The following RNF217 variants were observed in gnomAD, a reference collection of about 807,000 sequenced individuals.
RNF217 encodes E3 ubiquitin-protein ligase RNF217.
Under a neutral mutation model 57.8 loss-of-function variants are expected in RNF217, and 31 were observed. That is an observed-to-expected ratio of 0.54 (90% CI 0.40 to 0.72). The LOEUF is 0.72. Among genes scored for constraint, RNF217 ranks in the 30% least tolerant of loss-of-function variants. RNF217 has a pLI of 0.00. For missense variants in RNF217, 696 were observed against 708.3 expected (o/e 0.98, Z 0.20); for synonymous variants, 313 against 294.0 (o/e 1.06, Z -0.66).
intron 1 of RNF217, among the ~76,000 whole-genome samples, chr6:124,993,020 C>G (rs1278549089): frequency 1.3e-5 from 2 of 152,092 alleles, no homozygotes; most frequent in African/African-American, 4.8e-5. Flanking sequence ...TGTCAGTGCT[C>G]TTGCCTATAG....
intron 3 of RNF217, among the ~76,000 whole-genome samples, chr6:125,069,529 C>T (rs1461738599): frequency 6.6e-6 from 1 of 152,112 alleles, no homozygotes; most frequent in Non-Finnish European, 1.5e-5. Flanking sequence ...TCTATATATA[C>T]CACATTTTCT....
In RNF217 at chr6:125,088,962, T is replaced by A. The variant is rs1178400157; in HGVS notation, c.*6025T>A. On this transcript the variant is annotated 3_prime_UTR_variant, in exon 6 of 6. Transcript: ENST00000521654. ...TTGCCTCTGCAGTCTTCTTCCCATC[T>A]TGGCCAAGTGTGGGATAAATTCTGT... 1 of 152,648 alleles carries A rather than the reference T, an allele frequency of 6.6e-6. No individual in the cohort carries two copies. The highest frequency in any genetic ancestry group is 1.5e-5 in the Non-Finnish European group (1 of 68,036). 9.5% of individuals were successfully genotyped at this position (152,648 alleles called of 1,614,324 possible). A position where few individuals can be genotyped will look rare whatever the true frequency, so the allele number is the denominator to read the frequency against.
chr6:125,065,800 A>G (rs1787912195), intron 3 of RNF217, among the ~76,000 whole-genome samples: 1 of 152,214 alleles, frequency 6.6e-6, no homozygotes, highest in African/African-American at 2.4e-5. Context: ...AGAATTAAAA[A>G]CAGGGCACAC....
At chr6:125,014,267 T>A (rs1785524422) in intron 1 of RNF217, among the ~76,000 whole-genome samples, 1 of 152,174 alleles carries the variant, frequency 6.6e-6, no homozygotes, top group East Asian at 1.9e-4. Flanking sequence ...TTGGAAATAG[T>A]GATAGCAATC....
intron 1 of RNF217, among the ~76,000 whole-genome samples, chr6:125,014,134 A>G (rs895250573): frequency 6.6e-6 from 1 of 152,200 alleles, no homozygotes; most frequent in Non-Finnish European, 1.5e-5. Context: ...CACCATTTAC[A>G]TTGTTTTCCC....
intron 1 of RNF217, among the ~76,000 whole-genome samples, chr6:125,042,821 C>T (rs1786936308): frequency 6.6e-6 from 1 of 152,006 alleles, no homozygotes; most frequent in South Asian, 2.1e-4. Flanking sequence ...CCATTGCTAT[C>T]ATTTACATAG....
At chr6:124,983,286 T>TAG (rs1784244255) in intron 1 of RNF217, 1 of 805,230 alleles carries the variant, frequency 1.2e-6, no homozygotes, top group African/African-American at 1.9e-5. Context: ...TCTTGTGATG[T>TAG]AGAGACAATC....
At chr6:125,001,384 A>C (rs1178728818) in intron 1 of RNF217, among the ~76,000 whole-genome samples, 4 of 152,160 alleles carry the variant, frequency 2.6e-5, no homozygotes, top group Non-Finnish European at 1.5e-5. Flanking sequence ...TGTTGGACTT[A>C]ATTCGAGAAC....
intron 3 of RNF217, among the ~76,000 whole-genome samples, chr6:125,062,716 A>G (rs1052964912): frequency 1.3e-5 from 2 of 152,052 alleles, no homozygotes; most frequent in African/African-American, 4.8e-5. Flanking sequence ...AGCTGGGATT[A>G]CAGGTGCCCA....
intron 1 of RNF217, among the ~76,000 whole-genome samples, chr6:124,982,494 GTAT>G (rs1227882993): frequency 6.6e-6 from 1 of 151,638 alleles, no homozygotes; most frequent in East Asian, 1.9e-4. Flanking sequence ...GGTACCTCAC[GTAT>G]GGGAAAATTC....
At chr6:125,069,520 C>T (rs528164881) in intron 3 of RNF217, among the ~76,000 whole-genome samples, 1 of 152,222 alleles carries the variant, frequency 6.6e-6, no homozygotes, top group African/African-American at 2.4e-5. Flanking sequence ...ATTCCATGAT[C>T]TATATATACC....
At chr6:124,990,739 C>T (rs1318210025) in intron 1 of RNF217, among the ~76,000 whole-genome samples, 1 of 152,128 alleles carries the variant, frequency 6.6e-6, no homozygotes, top group Non-Finnish European at 1.5e-5. Context: ...TAACTATTCT[C>T]CCTGCCCTAG....
chr6:125,036,385 A>T (rs1043516652), intron 1 of RNF217, among the ~76,000 whole-genome samples: 3 of 152,184 alleles, frequency 2.0e-5, no homozygotes, highest in African/African-American at 7.2e-5. Context: ...TGCAATAAAC[A>T]TACGTGTGCA....
At chr6:125,036,554 G>A (rs370370457) in intron 1 of RNF217, among the ~76,000 whole-genome samples, 2 of 152,112 alleles carry the variant, frequency 1.3e-5, no homozygotes, top group Admixed American at 6.6e-5. Flanking sequence ...CTTCTGCACA[G>A]CAAAAGAAAC....
In RNF217 at chr6:124,989,281, A is replaced by T. The variant is rs141353913; in HGVS notation, c.882+25855A>T. On this transcript the variant is annotated intron_variant, in intron 1 of 5. Transcript: ENST00000521654. ...ATAACTACAGTCTCACTGCATAATA[A>T]ACAAAGTTATTTGCCATGTAATTAC... Among the ~76,000 whole-genome samples the T allele has an allele frequency of 2.0e-3, 301 of 152,322 alleles. 5 individuals are homozygous for T. The highest frequency in any genetic ancestry group is 0.019 in the Admixed American group (286 of 15,302).
intron 3 of RNF217, among the ~76,000 whole-genome samples, chr6:125,063,621 A>G (rs528292650): frequency 1.1e-4 from 16 of 152,206 alleles, no homozygotes; most frequent in Admixed American, 1.3e-4. Flanking sequence ...TCAGTGTACC[A>G]CTCAGATCAT....
intron 1 of RNF217, among the ~76,000 whole-genome samples, chr6:124,979,694 AC>A (rs1377161641): frequency 2.6e-5 from 4 of 152,206 alleles, no homozygotes; most frequent in Non-Finnish European, 2.9e-5. Context: ...TGGAAATTAT[AC>A]TTTATTTCAA....
rs1788273260 is a variant in RNF217 at position 125,074,313 on chromosome 6, ATAGATAG to A, written c.1282-2343_1282-2337del. 5.4e-5 allele frequency among the ~76,000 whole-genome samples: 8 copies of A among 147,872 alleles called. No individual in the cohort carries two copies. The South Asian group carries it at 1.1e-3, about 20-fold the overall frequency. On this transcript the variant is annotated intron_variant, in intron 3 of 5. Transcript: ENST00000521654. The stretch of plus-strand genomic sequence containing the variant: ...AGAAGATAGGTAGATAGATAGATAG[ATAGATAG>A]ATAGATAGATAGATAGATAGATAGA...
rs1788797094 is a variant in RNF217, at chr6:125,087,258, TAATTGGCATACTTTA to T, written c.*4322_*4336del. 6.6e-6 allele frequency: 1 copy of T among 152,158 alleles called. No individual in the cohort carries two copies. The highest frequency in any genetic ancestry group is 6.6e-5 in the Admixed American group (1 of 15,260). The allele number at this position is 152,158 out of a possible 1,614,324, so 9.4% of individuals were successfully genotyped here. Reference sequence around the variant, plus strand: ...AAAAAGTTAGTGGCCTCTATAACCTTAATTGGCATACTTTACTACAAAAATAAGAAAATGTATGCC... The same window carrying T: ...AAAAAGTTAGTGGCCTCTATAACCTTCTACAAAAATAAGAAAATGTATGCC... On this transcript the variant is annotated 3_prime_UTR_variant, in exon 6 of 6. Transcript: ENST00000521654.
Sources: gnomAD v4.1 joint callset for allele counts (sites outside exome capture counted in the v4.1 genomes callset) on GRCh38, gnomAD v4.1.1 for gene constraint, MANE v1.5 for transcripts, NCBI Gene and HGNC (gene_info 2026-07-23, HGNC 2026-07-21) for gene names.